GMDS: variants seen among roughly 807,000 people sequenced by gnomAD.
The protein encoded by GMDS is GDP-mannose 4,6 dehydratase.
Under a neutral mutation model 49.9 loss-of-function variants are expected in GMDS, and 20 were observed. The ratio of observed to expected loss-of-function variants is 0.40; its 90% CI spans 0.28 to 0.58. The LOEUF is 0.58. Among genes scored for constraint, GMDS ranks in the 20% least tolerant of loss-of-function variants. The probability of loss-of-function intolerance (pLI) is 0.42; values close to 1 mark genes in which losing one functional copy is unlikely to be tolerated. For missense variants in GMDS, 362 were observed against 481.4 expected, an observed-to-expected ratio of 0.75 and a Z score of 2.32; for synonymous variants, 177 against 178.6, an observed-to-expected ratio of 0.99 and a Z score of 0.07.
chr6:2,192,408 C>T lies in GMDS; in HGVS notation c.102+52913G>A, dbSNP rs79487630. Among the ~76,000 whole-genome samples, 15 of 152,336 alleles carry T rather than the reference C, an allele frequency of 9.8e-5. No individual in the cohort carries two copies. The East Asian group carries it at 2.5e-3, about 25-fold the overall frequency. ...TGGTCACAAGACAAGAACTCAGGAC[C>T]CACTAAATGGCAAGGCTAAAAGAGC... On this transcript the variant is annotated intron_variant, in intron 1 of 10. Coordinates refer to ENST00000380815, the MANE Select transcript of GMDS (RefSeq NM_001500.4).
intron 1 of GMDS, among the ~76,000 whole-genome samples, chr6:2,138,183 CTG>C (rs1294707756): frequency 3.3e-5 from 5 of 152,230 alleles, no homozygotes; most frequent in Non-Finnish European, 5.9e-5. Flanking sequence ...ATCTTAAAGT[CTG>C]TATTAATCGG....
At chr6:1,945,677 A>C (rs1763046105) in intron 6 of GMDS, among the ~76,000 whole-genome samples, 1 of 152,134 alleles carries the variant, frequency 6.6e-6, no homozygotes. Context: ...CGGGAGGCTG[A>C]GGCAGGAAGA....
intron 1 of GMDS, among the ~76,000 whole-genome samples, chr6:2,210,212 G>C (rs920288331): frequency 2.0e-5 from 3 of 152,128 alleles, no homozygotes; most frequent in Non-Finnish European, 4.4e-5. Flanking sequence ...AGAGTGCCCA[G>C]TTAGCATCCC....
chr6:1,624,048 G>GCA lies in GMDS; in HGVS notation c.*120_*121insTG. ...GCTCTTGCGGCCGGGACAGCGCAGC[G>GCA]GCAGCAGGGGCCGCAGGGGACCCGC... is the stretch of plus-strand genomic sequence containing the variant. On this transcript the variant is annotated 3_prime_UTR_variant, in exon 11 of 11. Transcript: ENST00000380815. 4.8e-6 allele frequency: 4 copies of GCA among 834,452 alleles called. No homozygotes were observed. The Admixed American group carries it at 8.8e-5, about 18-fold the overall frequency. 51.7% of individuals were successfully genotyped at this position (834,452 alleles called of 1,614,324 possible). A position where few individuals can be genotyped will look rare whatever the true frequency, so the allele number is the denominator to read the frequency against.
intron 7 of GMDS, among the ~76,000 whole-genome samples, chr6:1,901,590 A>G (rs958989853): frequency 3.5e-4 from 53 of 152,236 alleles, no homozygotes; most frequent in African/African-American, 1.3e-3. Context: ...CACATTTTCC[A>G]AAAATTCTTA....
chr6:1,859,885 TCA>T (rs1181951954), intron 7 of GMDS, among the ~76,000 whole-genome samples: 1 of 152,234 alleles, frequency 6.6e-6, no homozygotes, highest in African/African-American at 2.4e-5. Context: ...TCAAACATAT[TCA>T]GTCCTTATTT....
At chr6:2,238,338 G>C (rs939214322) in intron 1 of GMDS, among the ~76,000 whole-genome samples, 3 of 152,022 alleles carry the variant, frequency 2.0e-5, no homozygotes, top group Non-Finnish European at 4.4e-5. Context: ...AGCTATGATT[G>C]CACCACTGCA....
At chr6:2,232,682 GAACAGCACCC>G (rs1254746656) in intron 1 of GMDS, among the ~76,000 whole-genome samples, 1 of 152,170 alleles carries the variant, frequency 6.6e-6, no homozygotes, top group Admixed American at 6.5e-5. Flanking sequence ...TCATAATGAG[GAACAGCACCC>G]AAAATCACGC....
At chr6:1,824,233 T>C (rs1477000929) in intron 7 of GMDS, among the ~76,000 whole-genome samples, 5 of 152,110 alleles carry the variant, frequency 3.3e-5, no homozygotes, top group African/African-American at 1.2e-4. Flanking sequence ...TGGCCAGTGT[T>C]GCACCATTCC....
At chr6:1,696,496 C>G (rs1224826875) in intron 9 of GMDS, among the ~76,000 whole-genome samples, 4 of 152,206 alleles carry the variant, frequency 2.6e-5, no homozygotes, top group African/African-American at 9.7e-5. Flanking sequence ...ATGTGCCAAA[C>G]CTCTCTTTTG....
At chr6:2,032,911 G>A (rs1029477147) in intron 4 of GMDS, among the ~76,000 whole-genome samples, 6 of 152,176 alleles carry the variant, frequency 3.9e-5, no homozygotes, top group Non-Finnish European at 8.8e-5. Flanking sequence ...AGGAGAGGAT[G>A]CAAAGAAAAC....
chr6:2,083,331 C>T (rs1327126555), intron 4 of GMDS, among the ~76,000 whole-genome samples: 3 of 152,210 alleles, frequency 2.0e-5, no homozygotes, highest in African/African-American at 4.8e-5. Flanking sequence ...AATCTTCCAT[C>T]TAATCCAGCT....
chr6:1,686,089 G>A (rs1293384083), intron 9 of GMDS, among the ~76,000 whole-genome samples: 2 of 152,142 alleles, frequency 1.3e-5, no homozygotes, highest in African/African-American at 4.8e-5. Flanking sequence ...GGTTACAGTG[G>A]TGGCAGAAGA....
chr6:1,780,973 G>A (rs1339879099), intron 7 of GMDS, among the ~76,000 whole-genome samples: 1 of 152,070 alleles, frequency 6.6e-6, no homozygotes, highest in African/African-American at 2.4e-5. Context: ...TGAGTTTGAA[G>A]ACTGGTCTGT....
At chr6:2,230,015 ACCT>A (rs1781006175) in intron 1 of GMDS, among the ~76,000 whole-genome samples, 1 of 143,858 alleles carries the variant, frequency 7.0e-6, no homozygotes, top group African/African-American at 2.7e-5. Flanking sequence ...TCCTCTGAAG[ACCT>A]CCCTCCAGAG....
intron 9 of GMDS, among the ~76,000 whole-genome samples, chr6:1,703,712 G>A (rs1211058728): frequency 6.6e-6 from 1 of 152,234 alleles, no homozygotes; most frequent in Non-Finnish European, 1.5e-5. Context: ...GCATCACACT[G>A]GTGTGAAAGC....
chr6:2,146,325 C>T (rs886762882), intron 1 of GMDS, among the ~76,000 whole-genome samples: 1 of 152,004 alleles, frequency 6.6e-6, no homozygotes, highest in African/African-American at 2.4e-5. Context: ...TGGTTAAGTT[C>T]CTAAATAAGG....
At chr6:2,210,471 C>A (rs1027403194) in intron 1 of GMDS, among the ~76,000 whole-genome samples, 1 of 152,154 alleles carries the variant, frequency 6.6e-6, no homozygotes, top group African/African-American at 2.4e-5. Flanking sequence ...CCTGGTGTAA[C>A]GCAGCCCCAG....
At chr6:2,217,757 G>A (rs530459550) in intron 1 of GMDS, among the ~76,000 whole-genome samples, 1 of 152,218 alleles carries the variant, frequency 6.6e-6, no homozygotes, top group South Asian at 2.1e-4. Flanking sequence ...CTTTAATAAA[G>A]GTAAGTAAGC....
Sources: allele counts gnomAD v4.1 joint callset (sites outside exome capture counted in the v4.1 genomes callset), GRCh38; gene constraint gnomAD v4.1.1; transcripts MANE v1.5; gene names NCBI Gene and HGNC (gene_info 2026-07-23, HGNC 2026-07-21).